ULK3: variants seen among roughly 807,000 people sequenced by gnomAD.
ULK3 encodes serine/threonine-protein kinase ULK3.
In ULK3, 54 loss-of-function variants were observed where a neutral mutation model predicts 69.4. The ratio of observed to expected loss-of-function variants is 0.78; its 90% CI spans 0.63 to 0.98. ULK3 has a LOEUF of 0.98. ULK3 is among the 50% of genes least tolerant of loss of function. ULK3 has a pLI of 0.00. For missense variants in ULK3, 558 were observed against 627.7 expected (o/e 0.89, Z 1.19); for synonymous variants, 240 against 254.5 (o/e 0.94, Z 0.54).
chr15:74,837,328 C>A (rs1277187750), intron 15 of ULK3, 41 bp downstream of exon 15: 4 of 1,612,892 alleles, frequency 2.5e-6, no homozygotes, highest in South Asian at 2.2e-5. Flanking sequence ...CCAGCCCTCA[C>A]CCCTCCTTGG....
Position 74,841,512 on chromosome 15 carries a change from G to T in ULK3, c.365-3C>A. 2 of 1,613,544 alleles carry T rather than the reference G, an allele frequency of 1.2e-6. No homozygotes were observed. The highest frequency in any genetic ancestry group is 1.7e-6 in the Non-Finnish European group (2 of 1,179,568). ...ATGCAGGAATTGCAGGGCGCTAGCTGAGGAGCAGGACCCACGAAGAGAGAC... is the reference window on the plus strand; with the variant it reads ...ATGCAGGAATTGCAGGGCGCTAGCTTAGGAGCAGGACCCACGAAGAGAGAC... On this transcript the variant is annotated splice_region_variant and splice_polypyrimidine_tract_variant and intron_variant, in intron 3 of 15. Coordinates refer to ENST00000440863, the MANE Select transcript of ULK3 (RefSeq NM_001099436.4).
At chr15:74,839,107 G>A (rs771048334) in intron 8 of ULK3, 57 bp from the exon 9 acceptor site, 448 of 1,564,302 alleles carry the variant, frequency 2.9e-4, no homozygotes, top group Non-Finnish European at 3.7e-4. Flanking sequence ...GCCCCACAAC[G>A]AACCCTCTGG....
rs749981080 is a variant in ULK3 at position 74,840,242 on chromosome 15, C to T, written c.688G>A (p.Val230Ile). 3.0e-5 allele frequency: 48 copies of T among 1,609,426 alleles called. No individual in the cohort carries two copies. The highest frequency in any genetic ancestry group is 3.6e-5 in the Non-Finnish European group (43 of 1,178,164). ...ELEEKIRSNR[V>I]IELPLRPLLS... ...GGCCCTGCTAGACACACCTCGATGA[C>T]CCGGTTGCTACGGATCTTCTCTTCC... The change falls in exon 6 of 16, where the codon GTC (valine) becomes ATC (isoleucine). Residue 230 changes from valine (V) to isoleucine (I), a missense_variant. By Grantham distance (29) the Val-to-Ile change is conservative. Transcript: ENST00000440863.
chr15:74,837,536 AGC>A (rs1169689257), intron 14 of ULK3, 101 bp from the exon 15 acceptor site: 95 of 670,626 alleles, frequency 1.4e-4, no homozygotes, highest in African/African-American at 2.9e-4. Context: ...CACGAGCCAC[AGC>A]GCAGTGCCGA....
In ULK3 at chr15:74,836,944, C is replaced by G. The variant is rs2064036459; in HGVS notation, c.*284G>C. 2.5e-6 allele frequency: 1 copy of G among 395,010 alleles called. No individual in the cohort carries two copies. Among genetic ancestry groups the G allele is most frequent in the East Asian group, 3.8e-5 (1 of 25,982 alleles). 24.5% of individuals were successfully genotyped at this position (395,010 alleles called of 1,614,324 possible). ...GGCTGCATGCCCCAAAACGGACAGG[C>G]ACAGGACCCAGTAACCACCGAGTAA... On this transcript the variant is annotated 3_prime_UTR_variant, in exon 16 of 16. Transcript: ENST00000440863. The surrounding 1 kb of genome is among the most constrained non-coding windows in gnomAD (Gnocchi z 4.0).
At chr15:74,839,867 G>A (rs2141144339) in intron 6 of ULK3, among the ~76,000 whole-genome samples, 154 bp from the exon 7 acceptor site, 1 of 152,288 alleles carries the variant, frequency 6.6e-6, no homozygotes, top group South Asian at 2.1e-4. Flanking sequence ...GATGGAGCCA[G>A]CGGGGAGCGA....
intron 13 of ULK3, 173 bp downstream of exon 13, chr15:74,837,979 G>A (rs1567232959): frequency 7.9e-7 from 1 of 1,259,114 alleles, no homozygotes; most frequent in African/African-American, 1.5e-5. Context: ...TTGCTGCTGG[G>A]TTCCCAGATC....
At position 74,837,447 on chromosome 15, in the gene ULK3, G is replaced by A. The variant is rs756259683; in HGVS notation, c.1336-12C>T. 9 of 1,608,682 alleles carry A rather than the reference G, an allele frequency of 5.6e-6. No individual in the cohort carries two copies. Among genetic ancestry groups the A allele is most frequent in the South Asian group, 2.2e-5 (2 of 90,182 alleles). On this transcript the variant is annotated splice_polypyrimidine_tract_variant and intron_variant, in intron 14 of 15. Transcript: ENST00000440863. ...CGAGATTCCCTCATCTGTGGGATGT[G>A]AAGGCAGCACAAGGGATGAGAGGCA...
rs2064039576 is a variant in ULK3, at chr15:74,837,096, G to A, written c.*132C>T. The A allele has an allele frequency of 8.0e-7, 1 of 1,256,788 alleles. No homozygotes were observed. Among genetic ancestry groups the A allele is most frequent in the East Asian group, 2.6e-5 (1 of 39,130 alleles). 77.9% of individuals were successfully genotyped at this position (1,256,788 alleles called of 1,614,324 possible). Reference sequence around the variant, plus strand: ...GGGAGGCTGGGGACTCTGGGATATGGGGGTCTCAGCACTGTCCATCCAAGA... The same window carrying A: ...GGGAGGCTGGGGACTCTGGGATATGAGGGTCTCAGCACTGTCCATCCAAGA... On this transcript the variant is annotated 3_prime_UTR_variant, in exon 16 of 16. Transcript: ENST00000440863.
chr15:74,841,557 C>T (rs751795257), intron 3 of ULK3, 48 bp from the exon 4 acceptor site: 2 of 1,544,496 alleles, frequency 1.3e-6, no homozygotes, highest in Non-Finnish European at 8.9e-7. Context: ...CCCATTCCCG[C>T]CTGCCTCTCG....
At position 74,837,425 on chromosome 15, in the gene ULK3, G is replaced by A. The variant is rs1383866865; in HGVS notation, c.1346C>T (p.Ser449Phe). 6.2e-7 allele frequency: 1 copy of A among 1,612,192 alleles called. No individual in the cohort carries two copies. The highest frequency in any genetic ancestry group is 8.5e-7 in the Non-Finnish European group (1 of 1,179,218). Reference protein sequence around the residue: ...YLKEQVKMRESRWEADTLDKE... With the variant: ...YLKEQVKMREFRWEADTLDKE... Reference sequence around the variant, plus strand: ...GTCCAGGGTGTCAGCTTCCCAGCGAGATTCCCTCATCTGTGGGATGTGAAG... The same window carrying A: ...GTCCAGGGTGTCAGCTTCCCAGCGAAATTCCCTCATCTGTGGGATGTGAAG... Residue 449 changes from serine (S) to phenylalanine (F), a missense_variant, in exon 15 of 16, where the codon TCT becomes TTT. By Grantham distance (155) the Ser-to-Phe change is radical. Transcript: ENST00000440863.
In ULK3 at chr15:74,839,266, A is replaced by T. The variant is rs1567235474; in HGVS notation, c.958+2T>A. ...GGGCTTCAGGCATGGCCTGGGACTC[A>T]CAGTGCAGGGCAGGTACAAAGAAGT... is the stretch of plus-strand genomic sequence containing the variant. On this transcript the variant is annotated splice_donor_variant, in intron 8 of 15. Transcript: ENST00000440863. LOFTEE classifies it high-confidence loss of function. 2 of 1,555,376 alleles carry T rather than the reference A, an allele frequency of 1.3e-6. No individual in the cohort carries two copies. Among genetic ancestry groups the T allele is most frequent in the South Asian group, 2.4e-5 (2 of 84,278 alleles).
rs2064282667 is a variant in ULK3 at position 74,842,245 on chromosome 15, C to G, written c.243+35G>C. The stretch of plus-strand genomic sequence containing the variant: ...CCTGAAGAGAGTGTCCCTTCTCCAG[C>G]TCCCTTTGGCAGCGGCCCCGCCCCA... On this transcript the variant is annotated intron_variant, in intron 2 of 15. Coordinates refer to ENST00000440863, the MANE Select transcript of ULK3 (RefSeq NM_001099436.4). The surrounding 1 kb of genome is among the most constrained non-coding windows in gnomAD (Gnocchi z 4.9). 1.9e-6 allele frequency: 3 copies of G among 1,613,786 alleles called. No homozygotes were observed. Among genetic ancestry groups the G allele is most frequent in the Non-Finnish European group, 1.7e-6 (2 of 1,179,816 alleles).
intron 4 of ULK3, 87 bp downstream of exon 4, chr15:74,841,318 C>G: frequency 8.9e-7 from 1 of 1,123,530 alleles, no homozygotes; most frequent in Non-Finnish European, 1.3e-6. Flanking sequence ...TAGAGGGCTC[C>G]ATAAGAACCA....
chr15:74,839,536 C>A, intron 7 of ULK3, 22 bp downstream of exon 7: 2 of 1,547,700 alleles, frequency 1.3e-6, no homozygotes, highest in Admixed American at 2.0e-5. Context: ...TCAGCCCACC[C>A]CAGCCCCAGC....
At chr15:74,840,467 C>T (rs1398470254) in intron 5 of ULK3, 31 bp downstream of exon 5, 1 of 1,590,678 alleles carries the variant, frequency 6.3e-7, no homozygotes. Context: ...CTGTAGGCCT[C>T]AGGGTGAGAA....
At position 74,842,015 on chromosome 15, in the gene ULK3, G is replaced by A; in HGVS notation, c.364+60C>T. The A allele has an allele frequency of 6.2e-7, 1 of 1,608,244 alleles. No individual in the cohort carries two copies. Among genetic ancestry groups the A allele is most frequent in the South Asian group, 1.1e-5 (1 of 90,642 alleles). On this transcript the variant is annotated intron_variant, in intron 3 of 15. Coordinates refer to ENST00000440863, the MANE Select transcript of ULK3 (RefSeq NM_001099436.4). The surrounding 1 kb of genome is among the most constrained non-coding windows in gnomAD (Gnocchi z 4.9). ...AAGGCTCTAAGCCTGGGGGAGGGGT[G>A]GGATGGTGGGGGGCAGAGAACAAGG...
chr15:74,842,765 C>A lies in ULK3; in HGVS notation c.102+239G>T. 1 of 1,495,938 alleles carries A rather than the reference C, an allele frequency of 6.7e-7. No individual in the cohort carries two copies. Among genetic ancestry groups the A allele is most frequent in the Non-Finnish European group, 8.9e-7 (1 of 1,122,242 alleles). 92.7% of individuals were successfully genotyped at this position (1,495,938 alleles called of 1,614,324 possible). On this transcript the variant is annotated intron_variant, in intron 1 of 15. Transcript: ENST00000440863. The surrounding 1 kb of genome is among the most constrained non-coding windows in gnomAD (Gnocchi z 4.9). ...GGCTCCAGTCCCAGACTCCTCCCAG[C>A]CCACCAGGTAACCTGTTTTGAGCCT...
At chr15:74,840,711 C>G (rs762483037) in intron 4 of ULK3, 70 bp from the exon 5 acceptor site, 1 of 1,495,420 alleles carries the variant, frequency 6.7e-7, no homozygotes, top group South Asian at 1.4e-5. Flanking sequence ...TAAAGCCTCA[C>G]CCCAGGCTCC....
Sources: allele counts gnomAD v4.1 joint callset (sites outside exome capture counted in the v4.1 genomes callset), GRCh38; gene constraint gnomAD v4.1.1; non-coding constraint Gnocchi (gnomAD v3.1); transcripts MANE v1.5; gene names NCBI Gene and HGNC (gene_info 2026-07-23, HGNC 2026-07-21).